The following AMBRA1 variants were observed in gnomAD, a reference collection of about 807,000 sequenced individuals.
AMBRA1 encodes the protein activating molecule in BECN1-regulated autophagy protein 1.
In AMBRA1, 47 loss-of-function variants were observed where a neutral mutation model predicts 125.4. The ratio of observed to expected loss-of-function variants is 0.37; its 90% CI spans 0.30 to 0.48. The LOEUF (loss-of-function observed/expected upper bound fraction) is 0.48, where lower values mean the gene tolerates loss of function less well. AMBRA1 is among the 20% of genes least tolerant of loss of function. The pLI, the probability that AMBRA1 is intolerant of heterozygous loss-of-function variation, is 0.99. For missense variants in AMBRA1, 1,331 were observed against 1,693.4 expected (o/e 0.79, Z 3.76); for synonymous variants, 626 against 655.5 (o/e 0.95, Z 0.69).
intron 11 of AMBRA1, among the ~76,000 whole-genome samples, chr11:46,444,929 T>C (rs1045059869): frequency 6.6e-6 from 1 of 152,176 alleles, no homozygotes; most frequent in Non-Finnish European, 1.5e-5. Flanking sequence ...CTTGTCTTTG[T>C]CTCATTTTCA....
chr11:46,546,947 T>C (rs1042713900), intron 4 of AMBRA1, 166 bp downstream of exon 4: 3 of 602,762 alleles, frequency 5.0e-6, no homozygotes, highest in Non-Finnish European at 8.4e-6. Context: ...GGCACATGCC[T>C]GTAATCCCAG....
In AMBRA1 at chr11:46,540,574, C is replaced by G. The variant is rs570097343; in HGVS notation, c.2072+1371G>C. 3.3e-5 allele frequency among the ~76,000 whole-genome samples: 5 copies of G among 152,274 alleles called. No homozygotes were observed. In the East Asian group the frequency reaches 9.6e-4, roughly 29 times the overall value. ...GTCAAGTCTCCCTCTGCTTCCTACC[C>G]AGGGCCCTTAGTAACTGCCTAAGAA... On this transcript the variant is annotated intron_variant, in intron 7 of 17. Coordinates refer to ENST00000683756, the MANE Select transcript of AMBRA1 (RefSeq NM_001387011.1).
chr11:46,511,616 TTTTC>T (rs1159370994), intron 8 of AMBRA1, among the ~76,000 whole-genome samples: 2 of 152,196 alleles, frequency 1.3e-5, no homozygotes, highest in Admixed American at 6.5e-5. Flanking sequence ...TAAATTACCC[TTTTC>T]TTTTGGCAAA....
intron 1 of AMBRA1, among the ~76,000 whole-genome samples, chr11:46,560,630 G>C (rs1159713625): frequency 6.6e-6 from 1 of 152,200 alleles, no homozygotes; most frequent in African/African-American, 2.4e-5. Flanking sequence ...GGAGAAAACA[G>C]TGTGCTGAGA....
chr11:46,567,722 C>T (rs751981685), intron 1 of AMBRA1, among the ~76,000 whole-genome samples: 17 of 152,098 alleles, frequency 1.1e-4, no homozygotes, highest in African/African-American at 2.7e-4. Flanking sequence ...CCCCAACCAG[C>T]GATTCCTCTG....
chr11:46,583,652 C>CAAAAAAAAAAAAA lies in AMBRA1; in HGVS notation c.-121+10163_-121+10175dup, dbSNP rs1398623719. Among the ~76,000 whole-genome samples the CAAAAAAAAAAAAA allele has an allele frequency of 9.4e-3, 117 of 12,484 alleles. 14 individuals are homozygous for CAAAAAAAAAAAAA. Among genetic ancestry groups the CAAAAAAAAAAAAA allele is most frequent in the South Asian group, 0.016 (2 of 124 alleles). The allele number at this position is 12,484 out of a possible 152,430, so 8.2% of individuals were successfully genotyped here. Reference sequence around the variant, plus strand: ...TCTACAATGAACTCAAACAAATTTCCAAAAAAAAAAAAAAAAAAAAAAAAA... The same window carrying CAAAAAAAAAAAAA: ...TCTACAATGAACTCAAACAAATTTCCAAAAAAAAAAAAAAAAAAAAAAAAAAAAAAAAAAAAAA... On this transcript the variant is annotated intron_variant, in intron 1 of 17. Coordinates refer to ENST00000683756, the MANE Select transcript of AMBRA1 (RefSeq NM_001387011.1).
chr11:46,564,304 T>TAC (rs1354415953), intron 1 of AMBRA1, among the ~76,000 whole-genome samples: 3 of 151,720 alleles, frequency 2.0e-5, no homozygotes, highest in African/African-American at 7.3e-5. Context: ...CACATATATA[T>TAC]ACACTTAAAG....
At chr11:46,474,998 T>C (rs370884989) in intron 11 of AMBRA1, among the ~76,000 whole-genome samples, 3 of 152,186 alleles carry the variant, frequency 2.0e-5, no homozygotes, top group African/African-American at 7.2e-5. Context: ...TATGTTCCCA[T>C]AGGATCAACC....
chr11:46,410,633 C>T (rs1303701357), intron 15 of AMBRA1, among the ~76,000 whole-genome samples: 1 of 152,192 alleles, frequency 6.6e-6, no homozygotes, highest in East Asian at 1.9e-4. Flanking sequence ...GGCTCCTCCT[C>T]GGAGCTAAGA....
At chr11:46,493,065 A>AT (rs1161911625) in intron 11 of AMBRA1, among the ~76,000 whole-genome samples, 6 of 152,148 alleles carry the variant, frequency 3.9e-5, no homozygotes, top group Non-Finnish European at 8.8e-5. Context: ...AAATAAGTAA[A>AT]TAAACAATAA....
At chr11:46,439,459 T>C (rs1474566552) in intron 12 of AMBRA1, among the ~76,000 whole-genome samples, 2 of 152,160 alleles carry the variant, frequency 1.3e-5, no homozygotes, top group African/African-American at 4.8e-5. Flanking sequence ...AAATGGATTA[T>C]TAATTAGTTG....
rs975275753 is a variant in AMBRA1, at chr11:46,521,203, A to T, written c.2073-8390T>A. ...CTCACACTAAAACTCCTGAAGGAAC[A>T]AGGTTTTCAGAAACTGCTTACATCA... On this transcript the variant is annotated intron_variant, in intron 7 of 17. Coordinates refer to ENST00000683756, the MANE Select transcript of AMBRA1 (RefSeq NM_001387011.1). Among the ~76,000 whole-genome samples the T allele has an allele frequency of 3.3e-5, 5 of 152,242 alleles. No individual in the cohort carries two copies. In the South Asian group the frequency reaches 1.0e-3, roughly 31 times the overall value.
At chr11:46,434,600 G>C (rs1178271027) in intron 13 of AMBRA1, among the ~76,000 whole-genome samples, 1 of 152,212 alleles carries the variant, frequency 6.6e-6, no homozygotes, top group African/African-American at 2.4e-5. Flanking sequence ...GCATGTGTGT[G>C]CTACAACCAC....
intron 9 of AMBRA1, among the ~76,000 whole-genome samples, chr11:46,507,576 A>C (rs1431869394): frequency 6.6e-6 from 1 of 151,668 alleles, no homozygotes; most frequent in African/African-American, 2.4e-5. Flanking sequence ...CCCGCTGACC[A>C]CTCAAAAAAG....
At chr11:46,485,719 T>C (rs941356479) in intron 11 of AMBRA1, among the ~76,000 whole-genome samples, 4 of 152,136 alleles carry the variant, frequency 2.6e-5, no homozygotes, top group East Asian at 3.8e-4. Context: ...AGAGGAAATT[T>C]CCTGGGGAAA....
intron 7 of AMBRA1, among the ~76,000 whole-genome samples, chr11:46,528,686 AG>A (rs1448439975): frequency 1.3e-5 from 2 of 152,198 alleles, no homozygotes; most frequent in African/African-American, 2.4e-5. Flanking sequence ...CAAGATGAAG[AG>A]GTTCTAGAGA....
intron 1 of AMBRA1, among the ~76,000 whole-genome samples, chr11:46,585,843 T>C (rs1180845628): frequency 6.7e-6 from 1 of 148,886 alleles, no homozygotes; most frequent in African/African-American, 2.5e-5. Context: ...TTCGCTCTTG[T>C]TGCCCAGGCT....
intron 11 of AMBRA1, among the ~76,000 whole-genome samples, chr11:46,446,668 C>T (rs1303238639): frequency 6.6e-6 from 1 of 152,224 alleles, no homozygotes; most frequent in East Asian, 1.9e-4. Context: ...TAGCACCCCA[C>T]TCCACATAGT....
chr11:46,418,408 TTTA>T (rs1946676707), intron 14 of AMBRA1, among the ~76,000 whole-genome samples: 2 of 146,844 alleles, frequency 1.4e-5, no homozygotes, highest in African/African-American at 2.5e-5. Flanking sequence ...TTATATATAT[TTTA>T]TTATTATACT....
Sources: allele counts gnomAD v4.1 joint callset (sites outside exome capture counted in the v4.1 genomes callset), GRCh38; gene constraint gnomAD v4.1.1; transcripts MANE v1.5; gene names NCBI Gene and HGNC (gene_info 2026-07-23, HGNC 2026-07-21).